The following PIEZO2 variants were observed in gnomAD, a reference collection of about 807,000 sequenced individuals.
The protein encoded by PIEZO2 is piezo type mechanosensitive ion channel component 2.
A neutral mutation model predicts 337.3 loss-of-function variants in PIEZO2; 172 were observed. The observed-to-expected ratio is 0.51, with a 90% confidence interval of 0.45 to 0.58. PIEZO2 has a LOEUF of 0.58. Ranked by LOEUF, PIEZO2 falls within the 20% of genes least tolerant of loss-of-function variation. The pLI is 0.00. For missense variants in PIEZO2, 3,028 were observed against 3,391.3 expected (o/e 0.89, Z 2.66); for synonymous variants, 1,251 against 1,228.5 (o/e 1.02, Z -0.38).
At chr18:11,045,972 A>T (rs1424312323) in intron 2 of PIEZO2, among the ~76,000 whole-genome samples, 1 of 152,150 alleles carries the variant, frequency 6.6e-6, no homozygotes, top group Non-Finnish European at 1.5e-5. Context: ...CGCATGAATA[A>T]ATGTACAGGA....
intron 2 of PIEZO2, among the ~76,000 whole-genome samples, chr18:11,012,632 T>G (rs1412356495): frequency 6.6e-6 from 1 of 152,224 alleles, no homozygotes; most frequent in Non-Finnish European, 1.5e-5. Flanking sequence ...AATAAAAGCA[T>G]CTTTAAACCA....
chr18:11,119,158 T>C (rs1160872954), intron 1 of PIEZO2, among the ~76,000 whole-genome samples: 2 of 142,684 alleles, frequency 1.4e-5, no homozygotes, highest in African/African-American at 4.9e-5. Context: ...TTTTTTTTTT[T>C]TTTTTTTGAG....
Position 10,819,308 on chromosome 18 carries a change from A to G in PIEZO2, c.918-12034T>C, listed in dbSNP as rs1016537992. Among the ~76,000 whole-genome samples the G allele has an allele frequency of 1.7e-4, 26 of 152,248 alleles. No individual in the cohort carries two copies. Among genetic ancestry groups the G allele is most frequent in the African/African-American group, 6.0e-4 (25 of 41,472 alleles). On this transcript the variant is annotated intron_variant, in intron 7 of 55. Coordinates refer to ENST00000674853, the MANE Select transcript of PIEZO2 (RefSeq NM_001378183.1). This position sits in a 1 kb window ranked among gnomAD's most constrained non-coding sequence, Gnocchi z 4.3. The stretch of plus-strand genomic sequence containing the variant: ...TTTGGATAAAGAGGCAATCTTTAAA[A>G]ACGTTAAGTAGAAGAAATTCTTAAA...
At chr18:11,012,213 A>C (rs1042424677) in intron 2 of PIEZO2, among the ~76,000 whole-genome samples, 1 of 152,204 alleles carries the variant, frequency 6.6e-6, no homozygotes, top group Non-Finnish European at 1.5e-5. Context: ...CATCCTCTTT[A>C]AGTTCCATAA....
chr18:10,984,091 G>C (rs1407257260), intron 2 of PIEZO2, among the ~76,000 whole-genome samples: 1 of 152,102 alleles, frequency 6.6e-6, no homozygotes, highest in Non-Finnish European at 1.5e-5. Context: ...GTAAATACTG[G>C]AGAAGGTGAC....
chr18:10,871,423 G>A lies in PIEZO2; in HGVS notation c.330-8C>T, dbSNP rs913888407. On this transcript the variant is annotated splice_polypyrimidine_tract_variant and splice_region_variant and intron_variant, in intron 4 of 55. Coordinates refer to ENST00000674853, the MANE Select transcript of PIEZO2 (RefSeq NM_001378183.1). ...GCATCAGCTCCCTTTAAGCTATAAA[G>A]GAAAAACAAGGGGAGGGGAAAAAAA... 3.3e-6 allele frequency: 5 copies of A among 1,525,268 alleles called. No individual in the cohort carries two copies. The African/African-American group carries it at 5.5e-5, about 17-fold the overall frequency. 94.5% of individuals were successfully genotyped at this position (1,525,268 alleles called of 1,614,324 possible). A position where few individuals can be genotyped will look rare whatever the true frequency, so the allele number is the denominator to read the frequency against.
chr18:10,881,874 G>T (rs1367148659), intron 4 of PIEZO2, among the ~76,000 whole-genome samples: 1 of 152,042 alleles, frequency 6.6e-6, no homozygotes, highest in Non-Finnish European at 1.5e-5. Flanking sequence ...TCAGCCCCAC[G>T]ACAGTACTCT....
chr18:10,877,344 A>C lies in PIEZO2; in HGVS notation c.330-5929T>G, dbSNP rs75675009. Among the ~76,000 whole-genome samples, 3,180 of 152,318 alleles carry C rather than the reference A, an allele frequency of 0.021. 110 individuals carry two copies. Among genetic ancestry groups the C allele is most frequent in the African/African-American group, 0.072 (2,983 of 41,562 alleles). On this transcript the variant is annotated intron_variant, in intron 4 of 55. Transcript: ENST00000674853. The surrounding 1 kb of genome is among the most constrained non-coding windows in gnomAD (Gnocchi z 5.3). ...TAGCTCTTTAGAATGAAATAGTGTTAGATTAAATTTTTAAGAAATGGTTTT... is the reference window on the plus strand; with the variant it reads ...TAGCTCTTTAGAATGAAATAGTGTTCGATTAAATTTTTAAGAAATGGTTTT...
intron 3 of PIEZO2, among the ~76,000 whole-genome samples, chr18:10,959,866 T>C (rs561749470): frequency 6.6e-6 from 1 of 152,338 alleles, no homozygotes; most frequent in East Asian, 1.9e-4. Context: ...AGTAAATCTT[T>C]ATTGCACCCT....
intron 5 of PIEZO2, among the ~76,000 whole-genome samples, chr18:10,858,931 A>T (rs144334636): frequency 5.5e-4 from 84 of 152,360 alleles, no homozygotes; most frequent in African/African-American, 1.8e-3. Context: ...CTCATGCTCA[A>T]TCAATAAGAT....
intron 3 of PIEZO2, among the ~76,000 whole-genome samples, chr18:10,914,269 ATTT>A (rs34938210): frequency 6.7e-6 from 1 of 149,098 alleles, no homozygotes; most frequent in African/African-American, 2.5e-5. Flanking sequence ...AAAACATGTT[ATTT>A]TTTTTTTTTC....
intron 35 of PIEZO2, 115 bp from the exon 36 acceptor site, chr18:10,731,636 T>C: frequency 3.7e-6 from 2 of 537,700 alleles, no homozygotes; most frequent in Non-Finnish European, 5.9e-6. Context: ...AAACTAAACA[T>C]CCCGGGCTAT....
chr18:10,687,490 GCTTAGT>G (rs60814293), intron 49 of PIEZO2, among the ~76,000 whole-genome samples: 66,768 of 151,746 alleles, frequency 0.44, 15,537 homozygotes, highest in East Asian at 0.72. Flanking sequence ...ATAAGAATGT[GCTTAGT>G]CTTAGTCAAT....
At chr18:11,123,814 A>G (rs2040102914) in intron 1 of PIEZO2, among the ~76,000 whole-genome samples, 1 of 152,056 alleles carries the variant, frequency 6.6e-6, no homozygotes, top group African/African-American at 2.4e-5. Flanking sequence ...CGTCTCAAAA[A>G]AAAAAAAAGT....
At chr18:10,778,335 C>CTT (rs764803228) in intron 18 of PIEZO2, among the ~76,000 whole-genome samples, 2,775 of 127,734 alleles carry the variant, frequency 0.022, 93 homozygotes, top group African/African-American at 0.075. Flanking sequence ...TCTGGCTGCT[C>CTT]TTTTTTTTTT....
intron 4 of PIEZO2, among the ~76,000 whole-genome samples, chr18:10,873,714 C>G (rs1209270541): frequency 1.3e-5 from 2 of 152,068 alleles, no homozygotes; most frequent in African/African-American, 4.8e-5. Flanking sequence ...ATTAAAGAGT[C>G]TTCTAATCTA....
chr18:10,924,858 C>T (rs1173708222), intron 3 of PIEZO2, among the ~76,000 whole-genome samples: 1 of 152,134 alleles, frequency 6.6e-6, no homozygotes, highest in African/African-American at 2.4e-5. Flanking sequence ...CAAACTCCAC[C>T]TTGCCAGAAG....
chr18:10,934,636 C>CGTGTGTGTGTGTGTGTGTGTGTGTGTGT lies in PIEZO2; in HGVS notation c.287-23436_287-23409dup, dbSNP rs59190236. Among the ~76,000 whole-genome samples the CGTGTGTGTGTGTGTGTGTGTGTGTGTGT allele has an allele frequency of 3.8e-5, 5 of 130,822 alleles. 1 individual carries two copies. The highest frequency in any genetic ancestry group is 1.5e-4 in the African/African-American group (5 of 34,024). 85.8% of individuals were successfully genotyped at this position (130,822 alleles called of 152,430 possible). On this transcript the variant is annotated intron_variant, in intron 3 of 55. Transcript: ENST00000674853. ...TTAGGAATTGTCAGTATTGTGTGTA[C>CGTGTGTGTGTGTGTGTGTGTGTGTGTGT]GTGTGTGTGTGTGTGTGTGTGTGTG...
intron 3 of PIEZO2, among the ~76,000 whole-genome samples, chr18:10,951,431 C>CAA (rs746282374): frequency 2.6e-5 from 4 of 152,148 alleles, no homozygotes; most frequent in South Asian, 2.1e-4. Flanking sequence ...TTTCTGCCTC[C>CAA]AATGCCCAAA....
Sources: gnomAD v4.1 joint callset for allele counts (sites outside exome capture counted in the v4.1 genomes callset) on GRCh38, gnomAD v4.1.1 for gene constraint, Gnocchi (gnomAD v3.1) non-coding constraint, MANE v1.5 for transcripts, NCBI Gene and HGNC (gene_info 2026-07-23, HGNC 2026-07-21) for gene names.